Variants in SRD5A2 observed in about 807,000 individuals in gnomAD.
The protein encoded by SRD5A2 is steroid 5 alpha-reductase 2, also known as 3-oxo-5-alpha-steroid 4-dehydrogenase 2.
SRD5A2 carries 30 observed loss-of-function variants against 27.4 expected under a neutral mutation model. The ratio of observed to expected loss-of-function variants is 1.10; its 90% CI spans 0.82 to 1.49. The LOEUF is 1.49. Among genes scored for constraint, SRD5A2 ranks in the 40% most tolerant of loss-of-function variants. The probability of loss-of-function intolerance (pLI) is 0.00; values close to 1 mark genes in which losing one functional copy is unlikely to be tolerated. For missense variants in SRD5A2, 348 were observed against 323.4 expected, an observed-to-expected ratio of 1.08 and a Z score of -0.58; for synonymous variants, 141 against 133.6, an observed-to-expected ratio of 1.06 and a Z score of -0.38.
chr2:31,537,008 T>G (rs1020353581), intron 1 of SRD5A2, among the ~76,000 whole-genome samples: 1 of 152,186 alleles, frequency 6.6e-6, no homozygotes, highest in Non-Finnish European at 1.5e-5. Flanking sequence ...TTGGAAAGGG[T>G]TAACTGAAAT....
At chr2:31,614,596 C>T in the SRD5A2 span, among the ~76,000 whole-genome samples, 3 of 152,210 alleles carry the variant, frequency 2.0e-5, no homozygotes, top group African/African-American at 7.2e-5. Context: ...GGCAGTGCCC[C>T]AGTCAGGACT....
the SRD5A2 span, among the ~76,000 whole-genome samples, chr2:31,629,505 A>G: frequency 6.6e-6 from 1 of 152,202 alleles, no homozygotes; most frequent in Non-Finnish European, 1.5e-5. Context: ...GTTAAAAATG[A>G]TTAGCATAGC....
At chr2:31,539,795 T>C (rs1666094610) in intron 1 of SRD5A2, among the ~76,000 whole-genome samples, 1 of 152,066 alleles carries the variant, frequency 6.6e-6, no homozygotes, top group African/African-American at 2.4e-5. Context: ...CATTCCCAAC[T>C]CTCTCAGCCA....
chr2:31,580,179 A>T (rs1667041554), intron 1 of SRD5A2, among the ~76,000 whole-genome samples: 1 of 152,164 alleles, frequency 6.6e-6, no homozygotes, highest in African/African-American at 2.4e-5. Flanking sequence ...CCCAGAACTA[A>T]TCTGTCCCCA....
chr2:31,632,035 T>C, the SRD5A2 span, among the ~76,000 whole-genome samples: 632 of 152,100 alleles, frequency 4.2e-3, 8 homozygotes, highest in African/African-American at 0.015. Flanking sequence ...GAAGTATACC[T>C]CTCTCTCACC....
chr2:31,642,371 T>C, the SRD5A2 span, among the ~76,000 whole-genome samples: 3 of 151,998 alleles, frequency 2.0e-5, no homozygotes, highest in Non-Finnish European at 4.4e-5. Flanking sequence ...TCTGAATCTA[T>C]AGAGAACTCT....
chr2:31,534,337 G>A (rs1665979893), intron 1 of SRD5A2, among the ~76,000 whole-genome samples: 1 of 152,010 alleles, frequency 6.6e-6, no homozygotes, highest in African/African-American at 2.4e-5. Flanking sequence ...AGTAAGCTTG[G>A]GATCTATAAC....
the SRD5A2 span, among the ~76,000 whole-genome samples, chr2:31,638,914 G>A: frequency 6.6e-6 from 1 of 151,872 alleles, no homozygotes; most frequent in Non-Finnish European, 1.5e-5. Flanking sequence ...TTTATATTAA[G>A]TGTTACTATT....
the SRD5A2 span, among the ~76,000 whole-genome samples, chr2:31,645,903 A>G: frequency 6.6e-6 from 1 of 152,208 alleles, no homozygotes; most frequent in African/African-American, 2.4e-5. Context: ...CTACACACAC[A>G]CAGGTGCCCT....
chr2:31,570,433 A>G (rs1666827599), intron 1 of SRD5A2, among the ~76,000 whole-genome samples: 2 of 152,224 alleles, frequency 1.3e-5, no homozygotes. Flanking sequence ...TGAATAGGCA[A>G]AAGCTGGAAG....
chr2:31,582,315 C>A (rs1341413028), upstream of SRD5A2, among the ~76,000 whole-genome samples: 1 of 152,180 alleles, frequency 6.6e-6, no homozygotes, highest in African/African-American at 2.4e-5. Context: ...CTCATCTGCT[C>A]CCGTTTGGGG....
chr2:31,645,145 T>C, the SRD5A2 span, among the ~76,000 whole-genome samples: 1 of 152,140 alleles, frequency 6.6e-6, no homozygotes, highest in Non-Finnish European at 1.5e-5. Context: ...AGCCACGTGT[T>C]TCAAGCTTTG....
the SRD5A2 span, among the ~76,000 whole-genome samples, chr2:31,605,646 C>G: frequency 5.3e-5 from 8 of 151,462 alleles, no homozygotes; most frequent in Admixed American, 3.3e-4. Flanking sequence ...CAGGCAATAA[C>G]AAATGCTGGT....
the SRD5A2 span, among the ~76,000 whole-genome samples, chr2:31,615,214 C>T: frequency 6.6e-6 from 1 of 152,062 alleles, no homozygotes; most frequent in Non-Finnish European, 1.5e-5. Context: ...TGTTAAGATA[C>T]CCAAAAATGT....
At chr2:31,592,195 G>A in the SRD5A2 span, among the ~76,000 whole-genome samples, 3 of 150,148 alleles carry the variant, frequency 2.0e-5, no homozygotes, top group Non-Finnish European at 3.0e-5. Context: ...TTCTACTACC[G>A]CAGATGGTGG....
At chr2:31,582,936 T>A (rs1312701406), upstream of SRD5A2, among the ~76,000 whole-genome samples, 6 of 151,984 alleles carry the variant, frequency 3.9e-5, no homozygotes, top group Admixed American at 3.3e-4. Context: ...AATATTTTTT[T>A]AAATGAAATG....
In SRD5A2 at chr2:31,526,097, A is replaced by G; in HGVS notation, c.*99T>C. The G allele has an allele frequency of 5.0e-6, 4 of 799,274 alleles. No individual in the cohort carries two copies. Among genetic ancestry groups the G allele is most frequent in the East Asian group, 2.7e-5 (1 of 37,156 alleles). The allele number at this position is 799,274 out of a possible 1,614,324, so 49.5% of individuals were successfully genotyped here. A position where few individuals can be genotyped will look rare whatever the true frequency, so the allele number is the denominator to read the frequency against. Reference sequence around the variant, plus strand: ...AGAACGCCAGGAGACCTACTATTACATATATACGGGACTATTATATCATGA... The same window carrying G: ...AGAACGCCAGGAGACCTACTATTACGTATATACGGGACTATTATATCATGA... On this transcript the variant is annotated 3_prime_UTR_variant, in exon 5 of 5. Coordinates refer to ENST00000622030, the MANE Select transcript of SRD5A2 (RefSeq NM_000348.4).
chr2:31,552,719 C>T (rs1426198460), intron 1 of SRD5A2, among the ~76,000 whole-genome samples: 1 of 152,168 alleles, frequency 6.6e-6, no homozygotes, highest in Non-Finnish European at 1.5e-5. Context: ...GGAAAAGAGG[C>T]AGTCAGCTTG....
chr2:31,527,402 C>G (rs1044522041), intron 4 of SRD5A2: 1 of 152,368 alleles, frequency 6.6e-6, no homozygotes. Context: ...TGCCTCCGCC[C>G]GTGCTGCCTC....
Sources: gnomAD v4.1 joint callset for allele counts (sites outside exome capture counted in the v4.1 genomes callset) on GRCh38, gnomAD v4.1.1 for gene constraint, MANE v1.5 for transcripts, NCBI Gene and HGNC (gene_info 2026-07-23, HGNC 2026-07-21) for gene names.